Variants in GTF3C4 observed in about 807,000 individuals in gnomAD.
GTF3C4 encodes the protein general transcription factor 3C polypeptide 4.
A neutral mutation model predicts 67.5 loss-of-function variants in GTF3C4; 28 were observed. The ratio of observed to expected loss-of-function variants is 0.41; its 90% CI spans 0.31 to 0.57. The LOEUF (loss-of-function observed/expected upper bound fraction) is 0.57. Ranked by LOEUF, GTF3C4 falls within the 20% of genes least tolerant of loss-of-function variation. The pLI, the probability that GTF3C4 is intolerant of heterozygous loss-of-function variation, is 0.21. For synonymous variants in GTF3C4, 409 were observed against 393.0 expected (o/e 1.04, Z -0.48); for missense variants, 831 against 1,033.2 (o/e 0.80, Z 2.68).
chr9:132,687,306 G>A lies in GTF3C4; in HGVS notation c.2383G>A (p.Ala795Thr). ...AAGGTGTTTGCTCCATGACAGCATT[G>A]CCCGGCATCCAGCTCCAGAAGGTGA... is the stretch of plus-strand genomic sequence containing the variant. ...YRRCLLHDSI[A>T]RHPAPEDPDW... The change falls in exon 4 of 5, where the codon GCC (alanine) becomes ACC (threonine). Residue 795 changes from alanine to threonine, a missense_variant. Physicochemically the swap from Ala to Thr is moderately conservative, Grantham distance 58. This residue lies in a region of GTF3C4 where 129 missense variants were observed against 213.8 expected (regional missense o/e 0.60). Transcript: ENST00000372146. The A allele has an allele frequency of 7.5e-7, 1 of 1,332,092 alleles. No homozygotes were observed. The highest frequency in any genetic ancestry group is 9.9e-7 in the Non-Finnish European group (1 of 1,010,350). 82.5% of individuals were successfully genotyped at this position (1,332,092 alleles called of 1,614,324 possible).
chr9:132,676,250 G>C (rs746336988), intron 1 of GTF3C4, among the ~76,000 whole-genome samples: 1 of 149,932 alleles, frequency 6.7e-6, no homozygotes, highest in Non-Finnish European at 1.5e-5. Context: ...CTATTCATTT[G>C]TTAATACATT....
chr9:132,670,395 C>G, upstream of GTF3C4: 1 of 1,148,666 alleles, frequency 8.7e-7, no homozygotes, highest in Non-Finnish European at 1.2e-6. Flanking sequence ...CGCTCGCTGT[C>G]CTTTTTCTGG....
At chr9:132,676,570 C>G (rs578156641) in intron 1 of GTF3C4, among the ~76,000 whole-genome samples, 2 of 152,164 alleles carry the variant, frequency 1.3e-5, no homozygotes, top group African/African-American at 4.8e-5. Flanking sequence ...ATCCACCTAC[C>G]TCGGCCTCCC....
chr9:132,670,374 T>TCGGGGCTCCC (rs1835679972), upstream of GTF3C4: 5 of 1,240,248 alleles, frequency 4.0e-6, no homozygotes, highest in Non-Finnish European at 5.3e-6. Context: ...AAGGGGGTCC[T>TCGGGGCTCCC]CGGGGCTCCC....
chr9:132,692,621 G>C lies in GTF3C4; in HGVS notation c.*3676G>C, dbSNP rs1836135592. The stretch of plus-strand genomic sequence containing the variant: ...CCACCATGGACTGTTTTGAGTCTCT[G>C]CATGGTTTCCATAATTCATTATGAT... On this transcript the variant is annotated 3_prime_UTR_variant, in exon 5 of 5. Transcript: ENST00000372146. 6.6e-6 allele frequency: 1 copy of C among 152,144 alleles called. No homozygotes were observed. The highest frequency in any genetic ancestry group is 2.4e-5 in the African/African-American group (1 of 41,430). 9.4% of individuals were successfully genotyped at this position (152,144 alleles called of 1,614,324 possible).
At chr9:132,671,596 C>T (rs1432655011) in intron 1 of GTF3C4, among the ~76,000 whole-genome samples, 15 of 152,190 alleles carry the variant, frequency 9.9e-5, no homozygotes. Flanking sequence ...TTCGAAACAA[C>T]TACCTATCTT....
intron 1 of GTF3C4, among the ~76,000 whole-genome samples, chr9:132,672,449 A>G (rs766549393): frequency 2.8e-4 from 42 of 152,208 alleles, no homozygotes; most frequent in Non-Finnish European, 4.3e-4. Context: ...AGGGCATTCC[A>G]GGCGGCAGGA....
At chr9:132,687,694 G>T (rs1836052894) in intron 4 of GTF3C4, among the ~76,000 whole-genome samples, 1 of 152,180 alleles carries the variant, frequency 6.6e-6, no homozygotes, top group Non-Finnish European at 1.5e-5. Flanking sequence ...TTTATACGAA[G>T]ACATTATTGA....
At chr9:132,680,198 C>T (rs62576213) in intron 2 of GTF3C4, among the ~76,000 whole-genome samples, 1 of 152,124 alleles carries the variant, frequency 6.6e-6, no homozygotes, top group Non-Finnish European at 1.5e-5. Context: ...ACATGTTTTC[C>T]ATTTGATAGA....
chr9:132,685,124 C>T (rs1241352082), intron 3 of GTF3C4, among the ~76,000 whole-genome samples: 2 of 151,016 alleles, frequency 1.3e-5, no homozygotes, highest in East Asian at 3.9e-4. Flanking sequence ...AAGCGATTCT[C>T]CCACCTCAGC....
intron 3 of GTF3C4, among the ~76,000 whole-genome samples, chr9:132,684,253 C>CT (rs1835991668): frequency 6.6e-6 from 1 of 152,156 alleles, no homozygotes; most frequent in Non-Finnish European, 1.5e-5. Context: ...GCCTGTATCT[C>CT]TCCCCCTAAG....
rs780605582 is a variant in GTF3C4, at chr9:132,679,099, A to G, written c.1480A>G (p.Thr494Ala). 59 of 1,614,006 alleles carry G rather than the reference A, an allele frequency of 3.7e-5. No individual in the cohort carries two copies. In the South Asian group the frequency reaches 4.0e-4, roughly 11 times the overall value. ...CGGTGCATACCTGGCCATCATCACCACTGAGGGCATGATCAACGGCCTCCA... is the reference window on the plus strand; with the variant it reads ...CGGTGCATACCTGGCCATCATCACCGCTGAGGGCATGATCAACGGCCTCCA... ...PCGAYLAIIT[T>A]EGMINGLHPV... The change falls in exon 2 of 5, where the codon ACT (threonine) becomes GCT (alanine). Residue 494 changes from threonine to alanine, a missense_variant. By Grantham distance (58) the Thr-to-Ala change is moderately conservative. Around this residue, in one of 4 missense-constraint regions of GTF3C4, gnomAD observed 390 missense variants for 540.3 expected, o/e 0.72. Transcript: ENST00000372146. This position sits in a 1 kb window ranked among gnomAD's most constrained non-coding sequence, Gnocchi z 5.9.
At position 132,689,776 on chromosome 9, in the gene GTF3C4, C is replaced by T. The variant is rs748396374; in HGVS notation, c.*831C>T. The T allele has an allele frequency of 2.6e-5, 4 of 152,252 alleles. No individual in the cohort carries two copies. In the South Asian group the frequency reaches 8.3e-4, roughly 32 times the overall value. 9.4% of individuals were successfully genotyped at this position (152,252 alleles called of 1,614,324 possible). On this transcript the variant is annotated 3_prime_UTR_variant, in exon 5 of 5. Transcript: ENST00000372146. ...ACAGAGGAAAAAAAGATATTTTCCT[C>T]TTTTAGTAATAAGACTTTCAGTATT... is the stretch of plus-strand genomic sequence containing the variant.
intron 1 of GTF3C4, among the ~76,000 whole-genome samples, chr9:132,675,813 C>T (rs1835855251): frequency 6.6e-6 from 1 of 150,534 alleles, no homozygotes; most frequent in African/African-American, 2.4e-5. Flanking sequence ...TTTCTATTTA[C>T]ATTTCATTTT....
In GTF3C4 at chr9:132,679,314, T is replaced by G. The variant is rs145764040; in HGVS notation, c.1695T>G (p.Ile565Met). The G allele has an allele frequency of 7.7e-4, 1,237 of 1,614,110 alleles. 11 individuals are homozygous for G. In the African/African-American group the frequency reaches 0.014, roughly 18 times the overall value. The change falls in exon 2 of 5, where the codon ATT (isoleucine) becomes ATG (methionine). Residue 565 changes from isoleucine (I) to methionine (M), a missense_variant. By Grantham distance (10) the Ile-to-Met change is conservative. This residue lies in a region of GTF3C4 where 390 missense variants were observed against 540.3 expected (regional missense o/e 0.72). Coordinates refer to ENST00000372146, the MANE Select transcript of GTF3C4 (RefSeq NM_012204.4). The surrounding 1 kb of genome is among the most constrained non-coding windows in gnomAD (Gnocchi z 5.9). ...TACAAGAAGCTTTGGAAAAAAAGAT[T>G]GAAAGCAGTGGAGTCACCTATTTTT... is the stretch of plus-strand genomic sequence containing the variant. ...QFLQEALEKKIESSGVTYFWR... is the reference protein window; with the variant it reads ...QFLQEALEKKMESSGVTYFWR...
Position 132,679,776 on chromosome 9 carries a change from T to C in GTF3C4, c.2157T>C (p.Asp719=), listed in dbSNP as rs777617296. 6.2e-7 allele frequency: 1 copy of C among 1,611,228 alleles called. No individual in the cohort carries two copies. The highest frequency in any genetic ancestry group is 1.1e-5 in the South Asian group (1 of 91,006). Residue 719 remains aspartate, a synonymous_variant, in exon 2 of 5, where the codon GAT becomes GAC. Coordinates refer to ENST00000372146, the MANE Select transcript of GTF3C4 (RefSeq NM_012204.4). This position sits in a 1 kb window ranked among gnomAD's most constrained non-coding sequence, Gnocchi z 5.9. ...TRGLCNFLMS[D]EEYDDRTARV... is the part of the protein sequence containing the mutation. ...GACTCTGTAACTTTTTAATGTCTGA[T>C]GAAGAGTATGATGACAGAACTGCAC...
At position 132,678,311 on chromosome 9, in the gene GTF3C4, G is replaced by A; in HGVS notation, c.692G>A (p.Gly231Glu). The change falls in exon 2 of 5, where the codon GGA becomes GAA. Residue 231 changes from glycine to glutamate, a missense_variant. Coordinates refer to ENST00000372146, the MANE Select transcript of GTF3C4 (RefSeq NM_012204.4). The surrounding 1 kb of genome is among the most constrained non-coding windows in gnomAD (Gnocchi z 6.5). Reference sequence around the variant, plus strand: ...CTCTCTAAAAATGAGGCCCCGGAAGGAAATCTCGGGGATTTTGCTGAGTTT... The same window carrying A: ...CTCTCTAAAAATGAGGCCCCGGAAGAAAATCTCGGGGATTTTGCTGAGTTT... ...YRLSKNEAPEGNLGDFAEFQR... is the reference protein window; with the variant it reads ...YRLSKNEAPEENLGDFAEFQR... The A allele has an allele frequency of 1.2e-6, 2 of 1,614,186 alleles. No individual in the cohort carries two copies. Among genetic ancestry groups the A allele is most frequent in the Non-Finnish European group, 1.7e-6 (2 of 1,180,032 alleles).
In GTF3C4 at chr9:132,678,252, C is replaced by A. The variant is rs774888300; in HGVS notation, c.633C>A (p.Ile211=). 3.1e-6 allele frequency: 5 copies of A among 1,614,192 alleles called. No individual in the cohort carries two copies. The highest frequency in any genetic ancestry group is 4.2e-6 in the Non-Finnish European group (5 of 1,180,036). The change falls in exon 2 of 5, where the codon ATC becomes ATA. Residue 211 remains isoleucine, a synonymous_variant. Coordinates refer to ENST00000372146, the MANE Select transcript of GTF3C4 (RefSeq NM_012204.4). The surrounding 1 kb of genome is among the most constrained non-coding windows in gnomAD (Gnocchi z 6.5). ...TCCAGCTGGTTGACCTGACTGAGAT[C>A]TATGGAGAACGTCTTTATGAGACCA... is the stretch of plus-strand genomic sequence containing the variant. ...QWVQLVDLTE[I]YGERLYETSY... is the part of the protein sequence containing the mutation.
At position 132,689,489 on chromosome 9, in the gene GTF3C4, C is replaced by CA. The variant is rs1836080555; in HGVS notation, c.*545dup. ...AAATAGCTGCTGGTCTGCATCCCTC[C>CA]ATTCTTGTTTTTTATGCATATGGAA... is the stretch of plus-strand genomic sequence containing the variant. On this transcript the variant is annotated 3_prime_UTR_variant, in exon 5 of 5. Coordinates refer to ENST00000372146, the MANE Select transcript of GTF3C4 (RefSeq NM_012204.4). 2 of 152,694 alleles carry CA rather than the reference C, an allele frequency of 1.3e-5. No individual in the cohort carries two copies. The highest frequency in any genetic ancestry group is 4.1e-4 in the South Asian group (2 of 4,852). 9.5% of individuals were successfully genotyped at this position (152,694 alleles called of 1,614,324 possible). A position where few individuals can be genotyped will look rare whatever the true frequency, so the allele number is the denominator to read the frequency against.
Sources: allele counts gnomAD v4.1 joint callset (sites outside exome capture counted in the v4.1 genomes callset), GRCh38; gene constraint gnomAD v4.1.1; regional missense constraint gnomAD v4.1.1; non-coding constraint Gnocchi (gnomAD v3.1); transcripts MANE v1.5; gene names NCBI Gene and HGNC (gene_info 2026-07-23, HGNC 2026-07-21).